Variants in NR4A1 observed in about 807,000 individuals in gnomAD.
NR4A1 encodes nuclear receptor subfamily 4immunitygroup A member 1.
A neutral mutation model predicts 47.5 loss-of-function variants in NR4A1; 24 were observed. The observed-to-expected ratio is 0.50, with a 90% CI of 0.37 to 0.71. The LOEUF (loss-of-function observed/expected upper bound fraction) is 0.71, where lower values mean the gene tolerates loss of function less well. Ranked by LOEUF, NR4A1 falls within the 30% of genes least tolerant of loss-of-function variation. The pLI, the probability that NR4A1 is intolerant of heterozygous loss-of-function variation, is 0.00. For missense variants in NR4A1, 669 were observed against 788.6 expected (o/e 0.85, Z 1.82); for synonymous variants, 353 against 345.7 (o/e 1.02, Z -0.24).
intron 1 of NR4A1, among the ~76,000 whole-genome samples, chr12:52,028,952 C>T (rs1490398369): frequency 1.3e-5 from 2 of 152,016 alleles, no homozygotes; most frequent in African/African-American, 4.8e-5. Context: ...TCAACTTCTC[C>T]CTAAAAATAT....
chr12:52,033,087 C>T (rs1938161229), intron 1 of NR4A1, among the ~76,000 whole-genome samples: 1 of 152,236 alleles, frequency 6.6e-6, no homozygotes, highest in Non-Finnish European at 1.5e-5. Context: ...CGCAGCTCTG[C>T]GCCGCCGGGT....
upstream of NR4A1, among the ~76,000 whole-genome samples, chr12:52,048,553 C>G (rs1015112389): frequency 6.6e-6 from 1 of 152,164 alleles, no homozygotes; most frequent in Non-Finnish European, 1.5e-5. Context: ...GAGATAGTGC[C>G]ACTGCACTCC....
chr12:52,034,876 G>T (rs143029547), intron 1 of NR4A1, among the ~76,000 whole-genome samples: 4 of 152,204 alleles, frequency 2.6e-5, no homozygotes, highest in African/African-American at 9.6e-5. Context: ...GTATGGAAAT[G>T]GCAGATCTGC....
intron 1 of NR4A1, among the ~76,000 whole-genome samples, chr12:52,023,245 G>A (rs901143795): frequency 6.6e-6 from 1 of 152,216 alleles, no homozygotes; most frequent in Non-Finnish European, 1.5e-5. Context: ...CGGCGGTTGG[G>A]GGCTGGCGGT....
chr12:52,028,006 A>G (rs1045529776), intron 1 of NR4A1, among the ~76,000 whole-genome samples: 12 of 151,982 alleles, frequency 7.9e-5, no homozygotes, highest in Non-Finnish European at 1.3e-4. Context: ...GTTTGAGACC[A>G]GCCTGGGCAA....
At chr12:52,058,573 G>A (rs1882121) in intron 6 of NR4A1, 115 bp from the exon 7 acceptor site, 277,979 of 1,347,740 alleles carry the variant, frequency 0.21, 31,675 homozygotes, top group Admixed American at 0.44. Flanking sequence ...CTTTTGTGAA[G>A]TGCCAGCAGA....
In NR4A1 at chr12:52,054,927, C is replaced by CCAGCCT; in HGVS notation, c.600_605dup (p.Ser201_Leu202dup). The CCAGCCT allele has an allele frequency of 6.2e-7, 1 of 1,614,194 alleles. No individual in the cohort carries two copies. Among genetic ancestry groups the CCAGCCT allele is most frequent in the South Asian group, 1.1e-5 (1 of 91,084 alleles). On this transcript the variant is annotated inframe_insertion, in exon 2 of 7. Coordinates refer to ENST00000394825, the MANE Select transcript of NR4A1 (RefSeq NM_173157.3). ...TTCAGTCCTCCCACCGGCCCCAGCC[C>CCAGCCT]CAGCCTGGCCCAGAGCCCCCTGAAG...
At chr12:52,028,909 C>T (rs1938058473) in intron 1 of NR4A1, among the ~76,000 whole-genome samples, 2 of 147,808 alleles carry the variant, frequency 1.4e-5, no homozygotes. Flanking sequence ...TTTTAAAAAA[C>T]AAAAACAAAA....
At chr12:52,042,024 G>C (rs1938460296) in intron 2 of NR4A1, 1 of 1,221,370 alleles carries the variant, frequency 8.2e-7, no homozygotes, top group African/African-American at 1.6e-5. Context: ...GATGTGGTTA[G>C]GGGGATGGAG....
chr12:52,058,525 T>C, intron 6 of NR4A1, 163 bp from the exon 7 acceptor site: 1 of 917,248 alleles, frequency 1.1e-6, no homozygotes, highest in Non-Finnish European at 1.6e-6. Context: ...CTTCTCAGAC[T>C]TGTGACGATG....
At chr12:52,057,596 G>A in intron 6 of NR4A1, 66 bp downstream of exon 6, 1 of 1,580,906 alleles carries the variant, frequency 6.3e-7, no homozygotes, top group Non-Finnish European at 8.6e-7. Context: ...GTTCTCAGGA[G>A]GGCACTGTCC....
At position 52,032,212 on chromosome 12, in the gene NR4A1, G is replaced by A. The variant is rs531204598; in HGVS notation, c.-84+9273G>A. On this transcript the variant is annotated intron_variant, in intron 1 of 7. Coordinates refer to the NR4A1 transcript ENST00000360284. The stretch of plus-strand genomic sequence containing the variant: ...AGATTAGTATTTGAATCAGTAGACT[G>A]AGTAAAGAAGACCGCCCTCACCGCT... Among the ~76,000 whole-genome samples, 3 of 152,350 alleles carry A rather than the reference G, an allele frequency of 2.0e-5. No homozygotes were observed. In the East Asian group the frequency reaches 5.8e-4, roughly 29 times the overall value.
chr12:52,035,569 G>A (rs1938217644), intron 1 of NR4A1, among the ~76,000 whole-genome samples: 1 of 152,162 alleles, frequency 6.6e-6, no homozygotes, highest in Admixed American at 6.5e-5. Flanking sequence ...GGCACAGGGT[G>A]AGTGAGGAAA....
chr12:52,045,996 A>T (rs1252826477), intron 2 of NR4A1, among the ~76,000 whole-genome samples: 1 of 152,198 alleles, frequency 6.6e-6, no homozygotes, highest in Admixed American at 6.5e-5. Flanking sequence ...CCTGGGGCCG[A>T]GGAGGGGAAG....
intron 1 of NR4A1, among the ~76,000 whole-genome samples, chr12:52,033,320 T>G (rs7962786): frequency 0.034 from 5,111 of 152,270 alleles, 272 homozygotes; most frequent in African/African-American, 0.11. Flanking sequence ...CTGGAAGCCG[T>G]CGTCGGAGGA....
Position 52,054,796 on chromosome 12 carries a change from C to T in NR4A1, c.468C>T (p.Gly156=), listed in dbSNP as rs150702875. 1.9e-3 allele frequency: 3,018 copies of T among 1,613,198 alleles called. 11 individuals are homozygous for T. Among genetic ancestry groups the T allele is most frequent in the Non-Finnish European group, 2.4e-3 (2,792 of 1,179,954 alleles). ...FQPPQLSPWD[G]SFGHFSPSQT... Reference sequence around the variant, plus strand: ...CGCCCCAGCTCTCTCCCTGGGATGGCTCCTTCGGCCACTTCTCGCCCAGCC... The same window carrying T: ...CGCCCCAGCTCTCTCCCTGGGATGGTTCCTTCGGCCACTTCTCGCCCAGCC... The change falls in exon 2 of 7, where the codon GGC becomes GGT. Residue 156 remains glycine (G), a synonymous_variant. Transcript: ENST00000394825.
intron 2 of NR4A1, among the ~76,000 whole-genome samples, chr12:52,042,537 AG>A (rs1240810009): frequency 6.6e-6 from 1 of 152,134 alleles, no homozygotes; most frequent in African/African-American, 2.4e-5. Flanking sequence ...CTTACAGAAG[AG>A]GAGACTTAGG....
chr12:52,029,365 G>T (rs1487869683), intron 1 of NR4A1, among the ~76,000 whole-genome samples: 1 of 152,166 alleles, frequency 6.6e-6, no homozygotes, highest in Non-Finnish European at 1.5e-5. Flanking sequence ...TGAGCCCATG[G>T]CCAAGGCACA....
chr12:52,027,182 C>G (rs905315758), intron 1 of NR4A1, among the ~76,000 whole-genome samples: 1 of 152,238 alleles, frequency 6.6e-6, no homozygotes, highest in African/African-American at 2.4e-5. Context: ...CCCTGACTTC[C>G]AGCCCGTTAC....
Sources: gnomAD v4.1 joint callset for allele counts (sites outside exome capture counted in the v4.1 genomes callset) on GRCh38, gnomAD v4.1.1 for gene constraint, MANE v1.5 for transcripts, NCBI Gene and HGNC (gene_info 2026-07-23, HGNC 2026-07-21) for gene names.